ARHGAP44: variants seen among roughly 807,000 people sequenced by gnomAD.
ARHGAP44 encodes the protein Rho GTPase activating protein 44, also known as rho GTPase-activating protein 44.
Under a neutral mutation model 106.8 loss-of-function variants are expected in ARHGAP44, and 43 were observed. The ratio of observed to expected loss-of-function variants is 0.40; its 90% CI spans 0.32 to 0.52. ARHGAP44 has a LOEUF of 0.52. Among genes scored for constraint, ARHGAP44 ranks in the 20% least tolerant of loss-of-function variants. The pLI is 0.48. For synonymous variants in ARHGAP44, 439 were observed against 410.3 expected (o/e 1.07, Z -0.85); for missense variants, 866 against 1,050.5 (o/e 0.82, Z 2.43).
chr17:12,923,066 C>T lies in ARHGAP44; in HGVS notation c.464+3235C>T, dbSNP rs147857245. On this transcript the variant is annotated intron_variant, in intron 6 of 20. Transcript: ENST00000379672. Reference sequence around the variant, plus strand: ...AAACTTCAACTTGGACCCTTTATAACCTTTGTTGTTTTAGACTAAAAAAGT... The same window carrying T: ...AAACTTCAACTTGGACCCTTTATAATCTTTGTTGTTTTAGACTAAAAAAGT... Among the ~76,000 whole-genome samples, 26 of 152,226 alleles carry T rather than the reference C, an allele frequency of 1.7e-4. No homozygotes were observed. The East Asian group carries it at 3.3e-3, about 19-fold the overall frequency.
At chr17:12,962,756 A>C (rs578131590) in intron 16 of ARHGAP44, among the ~76,000 whole-genome samples, 2 of 152,282 alleles carry the variant, frequency 1.3e-5, no homozygotes, top group South Asian at 4.1e-4. Context: ...TTAGAAAATC[A>C]ATTTCTGGGT....
chr17:12,973,264 T>G (rs2143327771), intron 16 of ARHGAP44, 38 bp from the exon 17 acceptor site: 1 of 1,595,796 alleles, frequency 6.3e-7, no homozygotes, highest in East Asian at 2.3e-5. Context: ...AGGCCTAGAT[T>G]TTTTGAAACT....
At chr17:12,892,732 C>T (rs763505234) in intron 1 of ARHGAP44, among the ~76,000 whole-genome samples, 35 of 150,414 alleles carry the variant, frequency 2.3e-4, no homozygotes, top group Admixed American at 2.0e-4. Flanking sequence ...TGTTATGCTT[C>T]CTCCAGTTCA....
At chr17:12,814,169 G>A (rs1425143104) in intron 1 of ARHGAP44, among the ~76,000 whole-genome samples, 2 of 151,520 alleles carry the variant, frequency 1.3e-5, no homozygotes, top group African/African-American at 4.9e-5. Flanking sequence ...ACTCTCCTTG[G>A]GTGGTGGGGG....
At chr17:12,921,087 A>T (rs2038070043) in intron 6 of ARHGAP44, among the ~76,000 whole-genome samples, 1 of 151,842 alleles carries the variant, frequency 6.6e-6, no homozygotes, top group Non-Finnish European at 1.5e-5. Context: ...TATTTTTGAG[A>T]TGAAGATTTG....
In ARHGAP44 at chr17:12,984,882, T is replaced by A. The variant is rs1466331735; in HGVS notation, c.2291T>A (p.Met764Lys). 6.2e-7 allele frequency: 1 copy of A among 1,613,254 alleles called. No individual in the cohort carries two copies. Among genetic ancestry groups the A allele is most frequent in the South Asian group, 1.1e-5 (1 of 91,048 alleles). ...ACGGAGGCCCCCATGCTAGATGGCA[T>A]GTCCCCTGGGGAAAGCATGTCTACA... ...QSTEAPMLDG[M>K]SPGESMSTDL... Residue 764 changes from methionine (M) to lysine (K), a missense_variant, in exon 20 of 21, where the codon ATG becomes AAG. Met to Lys is a moderately conservative substitution (Grantham distance 95). Transcript: ENST00000379672.
chr17:12,869,207 T>C lies in ARHGAP44; in HGVS notation c.54-25733T>C, dbSNP rs546502873. ...GGATTAGAGATTTAAAAATAATGTC[T>C]AGATATTTTGGAACGAGCAAGAAAA... is the stretch of plus-strand genomic sequence containing the variant. On this transcript the variant is annotated intron_variant, in intron 1 of 20. Transcript: ENST00000379672. 1.4e-4 allele frequency among the ~76,000 whole-genome samples: 21 copies of C among 152,170 alleles called. 1 individual carries two copies. The highest frequency in any genetic ancestry group is 4.8e-4 in the African/African-American group (20 of 41,520).
intron 16 of ARHGAP44, 139 bp from the exon 17 acceptor site, chr17:12,973,160 GTAA>G: frequency 1.2e-6 from 1 of 803,128 alleles, no homozygotes; most frequent in East Asian, 2.7e-5. Context: ...CAACTAAATT[GTAA>G]TAATTTTATA....
chr17:12,957,433 G>C (rs1271052058), intron 15 of ARHGAP44, among the ~76,000 whole-genome samples: 1 of 152,220 alleles, frequency 6.6e-6, no homozygotes, highest in African/African-American at 2.4e-5. Flanking sequence ...CTTTGTAGAT[G>C]CAGAGGGGGA....
chr17:12,890,341 G>A (rs1367064976), intron 1 of ARHGAP44, among the ~76,000 whole-genome samples: 5 of 152,194 alleles, frequency 3.3e-5, no homozygotes, highest in Non-Finnish European at 7.3e-5. Flanking sequence ...TACCTCCACA[G>A]CTTATGAACT....
At chr17:12,870,297 G>T (rs978962491) in intron 1 of ARHGAP44, among the ~76,000 whole-genome samples, 5 of 151,968 alleles carry the variant, frequency 3.3e-5, no homozygotes, top group Non-Finnish European at 7.4e-5. Context: ...CAGTTCTCCC[G>T]CCTCAGTACT....
intron 1 of ARHGAP44, among the ~76,000 whole-genome samples, chr17:12,862,690 A>G (rs1664531335): frequency 6.6e-6 from 1 of 152,170 alleles, no homozygotes; most frequent in African/African-American, 2.4e-5. Flanking sequence ...CTGAGCTGGT[A>G]GAATCCTTTT....
At chr17:12,987,085 C>T (rs1008014531) in intron 20 of ARHGAP44, 72 of 1,503,504 alleles carry the variant, frequency 4.8e-5, no homozygotes, top group Middle Eastern at 3.6e-4. Flanking sequence ...CGAATCCTAT[C>T]ATTGTGTTCT....
intron 17 of ARHGAP44, 37 bp from the exon 18 acceptor site, chr17:12,974,052 A>G: frequency 6.5e-7 from 1 of 1,541,628 alleles, no homozygotes; most frequent in Non-Finnish European, 8.8e-7. Context: ...GTCATCTGTT[A>G]CGCGTGGGTA....
At chr17:12,802,939 A>G (rs1487303844) in intron 1 of ARHGAP44, among the ~76,000 whole-genome samples, 13 of 10,382 alleles carry the variant, frequency 1.3e-3, no homozygotes, top group African/African-American at 2.7e-3. Context: ...ATATATATAT[A>G]TATATATATA....
At chr17:12,914,750 C>T (rs1363153466) in intron 4 of ARHGAP44, among the ~76,000 whole-genome samples, 3 of 147,312 alleles carry the variant, frequency 2.0e-5, no homozygotes, top group Admixed American at 7.0e-5. Context: ...GAGCCAAGAT[C>T]GTGCCACTGT....
At position 12,943,606 on chromosome 17, in the gene ARHGAP44, G is replaced by A; in HGVS notation, c.670G>A (p.Glu224Lys). The stretch of plus-strand genomic sequence containing the variant: ...TTCTCAGCTAATAGAAGTGCAAGCT[G>A]AATACCACAGGAAGTCCCTGACACT... ...YFQTLIEVQA[E>K]YHRKSLTLLQ... The change falls in exon 9 of 21, where the codon GAA (glutamate) becomes AAA (lysine). Residue 224 changes from glutamate (E) to lysine (K), a missense_variant. Physicochemically the swap from Glu to Lys is moderately conservative, Grantham distance 56. Coordinates refer to ENST00000379672, the MANE Select transcript of ARHGAP44 (RefSeq NM_014859.6). 1 of 1,613,926 alleles carries A rather than the reference G, an allele frequency of 6.2e-7. No individual in the cohort carries two copies. Among genetic ancestry groups the A allele is most frequent in the Non-Finnish European group, 8.5e-7 (1 of 1,179,858 alleles).
chr17:12,954,560 T>G (rs1299183385), intron 13 of ARHGAP44, among the ~76,000 whole-genome samples: 7 of 152,162 alleles, frequency 4.6e-5, no homozygotes, highest in African/African-American at 1.7e-4. Flanking sequence ...GCTAAGTGAT[T>G]ACATGGTAGG....
intron 7 of ARHGAP44, among the ~76,000 whole-genome samples, chr17:12,933,531 C>G (rs1347876685): frequency 6.6e-6 from 1 of 152,206 alleles, no homozygotes; most frequent in African/African-American, 2.4e-5. Flanking sequence ...ACAAGCCCAA[C>G]TCTTCACAAG....
Sources: gnomAD v4.1 joint callset for allele counts (sites outside exome capture counted in the v4.1 genomes callset) on GRCh38, gnomAD v4.1.1 for gene constraint, MANE v1.5 for transcripts, NCBI Gene and HGNC (gene_info 2026-07-23, HGNC 2026-07-21) for gene names.